The following GALNT13 variants were observed in gnomAD, a reference collection of about 807,000 sequenced individuals.
GALNT13 encodes polypeptide N-acetylgalactosaminyltransferase 13, also known as UDP-GalNAc:polypeptide N-acetylgalactosaminyltransferase 13.
A neutral mutation model predicts 64.2 loss-of-function variants in GALNT13; 28 were observed. The ratio of observed to expected loss-of-function variants is 0.44; its 90% CI spans 0.32 to 0.60. GALNT13 has a LOEUF of 0.60. GALNT13 is among the 20% of genes least tolerant of loss of function. The probability of loss-of-function intolerance (pLI) is 0.05; values close to 1 mark genes in which losing one functional copy is unlikely to be tolerated. For missense variants in GALNT13, 577 were observed against 669.8 expected (o/e 0.86, Z 1.53); for synonymous variants, 214 against 224.6 (o/e 0.95, Z 0.42).
chr2:153,630,781 A>ATATATT, the GALNT13 span, among the ~76,000 whole-genome samples: 1 of 8,816 alleles, frequency 1.1e-4, no homozygotes, highest in African/African-American at 3.7e-4. Context: ...ATATATATAT[A>ATATATT]TATATATATA....
chr2:153,674,371 A>G, the GALNT13 span, among the ~76,000 whole-genome samples: 5 of 152,218 alleles, frequency 3.3e-5, no homozygotes, highest in East Asian at 9.6e-4. Context: ...CCAATGGAAC[A>G]GAACAGAGGT....
chr2:153,395,722 G>A, the GALNT13 span, among the ~76,000 whole-genome samples: 13 of 152,098 alleles, frequency 8.5e-5, no homozygotes, highest in Non-Finnish European at 1.5e-4. Flanking sequence ...CCTCTGTTTC[G>A]CATTTCAGAA....
At chr2:153,675,433 C>G in the GALNT13 span, among the ~76,000 whole-genome samples, 3 of 152,228 alleles carry the variant, frequency 2.0e-5, no homozygotes, top group South Asian at 6.2e-4. Context: ...TCTCAGCAAA[C>G]TATCATAAGG....
chr2:154,303,587 C>G (rs2105102736), intron 9 of GALNT13, among the ~76,000 whole-genome samples: 1 of 152,164 alleles, frequency 6.6e-6, no homozygotes, highest in East Asian at 1.9e-4. Flanking sequence ...TTACTGAGGA[C>G]TCCTGTACCC....
chr2:153,804,577 T>TA, the GALNT13 span, among the ~76,000 whole-genome samples: 30 of 152,286 alleles, frequency 2.0e-4, no homozygotes, highest in Non-Finnish European at 4.1e-4. Flanking sequence ...TCATTTTCAT[T>TA]AAAAAAACTC....
At chr2:153,093,441 T>C in the GALNT13 span, among the ~76,000 whole-genome samples, 6 of 151,756 alleles carry the variant, frequency 4.0e-5, no homozygotes, top group Non-Finnish European at 5.9e-5. Flanking sequence ...GTTTCACCAT[T>C]GTTGCCAGGC....
intron 9 of GALNT13, among the ~76,000 whole-genome samples, chr2:154,304,000 C>T (rs1289829868): frequency 1.3e-5 from 2 of 152,050 alleles, no homozygotes. Flanking sequence ...TCCAGTGATC[C>T]GCCTCAGCCT....
the GALNT13 span, among the ~76,000 whole-genome samples, chr2:153,324,746 G>T: frequency 3.3e-5 from 5 of 152,154 alleles, no homozygotes; most frequent in African/African-American, 1.2e-4. Flanking sequence ...TAATCATGTG[G>T]TTTTTGTCAT....
chr2:153,378,426 A>G, the GALNT13 span, among the ~76,000 whole-genome samples: 1 of 152,190 alleles, frequency 6.6e-6, no homozygotes, highest in South Asian at 2.1e-4. Context: ...ATATGAAAAC[A>G]TAGCTCTGAA....
At chr2:154,368,153 A>G (rs1387010854) in intron 9 of GALNT13, among the ~76,000 whole-genome samples, 2 of 6,488 alleles carry the variant, frequency 3.1e-4, no homozygotes, top group Non-Finnish European at 8.4e-4. Flanking sequence ...TAAATTGGAT[A>G]AAATATGTAA....
the GALNT13 span, among the ~76,000 whole-genome samples, chr2:153,112,407 G>A: frequency 6.6e-6 from 1 of 152,026 alleles, no homozygotes; most frequent in South Asian, 2.1e-4. Flanking sequence ...TCAGTATTAG[G>A]CACTCTCTCT....
At chr2:153,096,477 G>A in the GALNT13 span, among the ~76,000 whole-genome samples, 3 of 152,108 alleles carry the variant, frequency 2.0e-5, no homozygotes, top group Non-Finnish European at 2.9e-5. Context: ...GAAGTCTCCA[G>A]GTATTATCGA....
intron 7 of GALNT13, among the ~76,000 whole-genome samples, chr2:154,252,482 A>G (rs1690125307): frequency 6.6e-6 from 1 of 151,010 alleles, no homozygotes; most frequent in Non-Finnish European, 1.5e-5. Context: ...TCAGCCTCCC[A>G]AGTAGCTGGG....
the GALNT13 span, among the ~76,000 whole-genome samples, chr2:153,605,664 T>C: frequency 6.6e-6 from 1 of 152,062 alleles, no homozygotes; most frequent in South Asian, 2.1e-4. Context: ...AAAAAGAAAA[T>C]GGTTATCAGT....
At chr2:153,387,156 C>T in the GALNT13 span, among the ~76,000 whole-genome samples, 1 of 152,038 alleles carries the variant, frequency 6.6e-6, no homozygotes, top group African/African-American at 2.4e-5. Context: ...TCCTGAAAGG[C>T]AACCATATTT....
the GALNT13 span, among the ~76,000 whole-genome samples, chr2:153,363,606 C>A: frequency 6.6e-6 from 1 of 152,118 alleles, no homozygotes; most frequent in African/African-American, 2.4e-5. Context: ...ATTATAAACA[C>A]CTCTACACAA....
At chr2:153,965,346 T>G (rs1693257916) in intron 3 of GALNT13, among the ~76,000 whole-genome samples, 1 of 152,162 alleles carries the variant, frequency 6.6e-6, no homozygotes, top group Non-Finnish European at 1.5e-5. Context: ...TTTCTACCCC[T>G]ACCACATTAC....
the GALNT13 span, among the ~76,000 whole-genome samples, chr2:153,629,102 C>A: frequency 6.6e-6 from 1 of 152,096 alleles, no homozygotes; most frequent in African/African-American, 2.4e-5. Flanking sequence ...GGAATTTATC[C>A]ATTTCTTCTA....
chr2:153,594,164 G>A, the GALNT13 span, among the ~76,000 whole-genome samples: 1 of 152,054 alleles, frequency 6.6e-6, no homozygotes, highest in Non-Finnish European at 1.5e-5. Flanking sequence ...TCCCCTGAAT[G>A]TTTATGTATT....
Sources: allele counts gnomAD v4.1 joint callset (sites outside exome capture counted in the v4.1 genomes callset), GRCh38; gene constraint gnomAD v4.1.1; transcripts MANE v1.5; gene names NCBI Gene and HGNC (gene_info 2026-07-23, HGNC 2026-07-21).